The following FHIT variants were observed in gnomAD, a reference collection of about 807,000 sequenced individuals.
The protein encoded by FHIT is bis(5'-adenosyl)-triphosphatase.
In FHIT, 19 loss-of-function variants were observed where a neutral mutation model predicts 17.9. The observed-to-expected ratio is 1.06, with a 90% CI of 0.74 to 1.56. The LOEUF is 1.56. Ranked by LOEUF, FHIT falls within the 40% of genes most tolerant of loss-of-function variation. FHIT has a pLI of 0.00. For synonymous variants in FHIT, 81 were observed against 69.7 expected (o/e 1.16, Z -0.81); for missense variants, 248 against 189.2 (o/e 1.31, Z -1.82).
intron 4 of FHIT, among the ~76,000 whole-genome samples, chr3:60,817,295 T>A (rs530080317): frequency 6.6e-6 from 1 of 152,104 alleles, no homozygotes; most frequent in African/African-American, 2.4e-5. Context: ...ACTAGTCTTT[T>A]ATATTTACAA....
At chr3:59,904,555 A>G (rs1200537720) in intron 8 of FHIT, among the ~76,000 whole-genome samples, 1 of 152,188 alleles carries the variant, frequency 6.6e-6, no homozygotes, top group Non-Finnish European at 1.5e-5. Context: ...GTCACTTTGC[A>G]AGCTGGGAAC....
chr3:61,250,573 A>G (rs561102286), intron 1 of FHIT, among the ~76,000 whole-genome samples: 1 of 152,266 alleles, frequency 6.6e-6, no homozygotes, highest in South Asian at 2.1e-4. Context: ...TTCCAAGGTA[A>G]CACAGCGAGG....
intron 5 of FHIT, among the ~76,000 whole-genome samples, chr3:60,499,477 C>T (rs921231750): frequency 1.3e-5 from 2 of 151,954 alleles, no homozygotes; most frequent in Admixed American, 6.6e-5. Flanking sequence ...CTTTAAGCTC[C>T]TCCTCCCGGG....
At chr3:59,814,400 T>C (rs944291873) in intron 8 of FHIT, among the ~76,000 whole-genome samples, 1 of 152,176 alleles carries the variant, frequency 6.6e-6, no homozygotes, top group Non-Finnish European at 1.5e-5. Flanking sequence ...AGACAGGTGT[T>C]TCCAAATGGC....
At chr3:61,039,656 G>C (rs183180314) in intron 3 of FHIT, among the ~76,000 whole-genome samples, 1 of 152,038 alleles carries the variant, frequency 6.6e-6, no homozygotes, top group Admixed American at 6.5e-5. Flanking sequence ...TGAACAATGA[G>C]AACACATGGA....
chr3:60,384,390 C>T (rs114116410), intron 5 of FHIT, among the ~76,000 whole-genome samples: 1,680 of 152,156 alleles, frequency 0.011, 36 homozygotes, highest in African/African-American at 0.039. Flanking sequence ...AAGTGGCAGC[C>T]TAATTATTAA....
chr3:60,489,415 T>C (rs2033972420), intron 5 of FHIT, among the ~76,000 whole-genome samples: 1 of 152,182 alleles, frequency 6.6e-6, no homozygotes, highest in African/African-American at 2.4e-5. Context: ...AAACTCCTTT[T>C]AACAAAGTTT....
At position 61,074,541 on chromosome 3, in the gene FHIT, A is replaced by G. The variant is rs147731655; in HGVS notation, c.-163-32442T>C. Among the ~76,000 whole-genome samples the G allele has an allele frequency of 8.5e-4, 129 of 152,220 alleles. 1 individual carries two copies. Among genetic ancestry groups the G allele is most frequent in the African/African-American group, 3.0e-3 (123 of 41,552 alleles). ...GAGAGATTTCACAGAAAATGCTGGA[A>G]GCTCTGACCCTACCGGCACCACACT... On this transcript the variant is annotated intron_variant, in intron 2 of 9. Transcript: ENST00000492590.
At chr3:59,911,672 GACA>G (rs1380303059) in intron 8 of FHIT, among the ~76,000 whole-genome samples, 2 of 152,128 alleles carry the variant, frequency 1.3e-5, no homozygotes, top group Non-Finnish European at 2.9e-5. Flanking sequence ...TCTCAGGAAG[GACA>G]ACAATTTGAA....
intron 3 of FHIT, among the ~76,000 whole-genome samples, chr3:61,020,489 C>T (rs1283290691): frequency 6.6e-6 from 1 of 151,854 alleles, no homozygotes; most frequent in East Asian, 1.9e-4. Flanking sequence ...CTGTAGGTTG[C>T]CTGTTCACTT....
At chr3:59,846,454 A>T (rs1232358477) in intron 8 of FHIT, among the ~76,000 whole-genome samples, 1 of 152,154 alleles carries the variant, frequency 6.6e-6, no homozygotes, top group African/African-American at 2.4e-5. Flanking sequence ...TCCTCAAAAC[A>T]TCAACTAATA....
At chr3:60,575,324 T>C (rs1322053094) in intron 4 of FHIT, among the ~76,000 whole-genome samples, 1 of 152,136 alleles carries the variant, frequency 6.6e-6, no homozygotes, top group Non-Finnish European at 1.5e-5. Flanking sequence ...GAATTAGAAA[T>C]GTAAGCTGAG....
At chr3:60,531,439 C>A (rs369176998) in intron 5 of FHIT, among the ~76,000 whole-genome samples, 1 of 151,780 alleles carries the variant, frequency 6.6e-6, no homozygotes, top group Admixed American at 6.6e-5. Context: ...CTACCACGCC[C>A]GGCTAATTTT....
At chr3:60,717,581 A>G (rs2041714544) in intron 4 of FHIT, among the ~76,000 whole-genome samples, 1 of 152,222 alleles carries the variant, frequency 6.6e-6, no homozygotes, top group Non-Finnish European at 1.5e-5. Context: ...CACCTTGCAC[A>G]AAGGTATACA....
At chr3:60,207,917 T>C (rs1355903762) in intron 5 of FHIT, among the ~76,000 whole-genome samples, 1 of 152,170 alleles carries the variant, frequency 6.6e-6, no homozygotes. Context: ...TGGAATGTAA[T>C]CTCTTACTAG....
intron 4 of FHIT, among the ~76,000 whole-genome samples, chr3:60,539,039 T>C (rs1331270349): frequency 6.6e-6 from 1 of 151,876 alleles, no homozygotes; most frequent in Non-Finnish European, 1.5e-5. Context: ...TGCAATCTAC[T>C]CATCTGACAA....
intron 7 of FHIT, among the ~76,000 whole-genome samples, chr3:59,985,495 A>C (rs1394282341): frequency 6.6e-6 from 1 of 152,132 alleles, no homozygotes; most frequent in Non-Finnish European, 1.5e-5. Flanking sequence ...AAGTAAAGCA[A>C]TTTTACATTG....
At position 60,004,471 on chromosome 3, in the gene FHIT, T is replaced by C. The variant is rs573811342; in HGVS notation, c.279+6900A>G. On this transcript the variant is annotated intron_variant, in intron 7 of 9. Coordinates refer to ENST00000492590, the MANE Select transcript of FHIT (RefSeq NM_002012.4). ...TACAGCAATAAAGCAGCATTTAGGT[T>C]AAGCTTCACCTGTGTAATAAACAGG... is the stretch of plus-strand genomic sequence containing the variant. Among the ~76,000 whole-genome samples the C allele has an allele frequency of 1.2e-4, 18 of 152,264 alleles. 1 individual carries two copies. The East Asian group carries it at 3.5e-3, about 29-fold the overall frequency.
chr3:59,985,816 C>T (rs904786518), intron 7 of FHIT, among the ~76,000 whole-genome samples: 1 of 152,086 alleles, frequency 6.6e-6, no homozygotes, highest in East Asian at 1.9e-4. Context: ...CCTTAGAATC[C>T]GTCACAGCGC....
Sources: gnomAD v4.1 joint callset for allele counts (sites outside exome capture counted in the v4.1 genomes callset) on GRCh38, gnomAD v4.1.1 for gene constraint, MANE v1.5 for transcripts, NCBI Gene and HGNC (gene_info 2026-07-23, HGNC 2026-07-21) for gene names.